ROBO1: variants seen among roughly 807,000 people sequenced by gnomAD.
ROBO1 encodes roundabout homolog 1.
ROBO1 carries 149 observed loss-of-function variants against 195.9 expected under a neutral mutation model. The observed-to-expected ratio is 0.76, with a 90% CI of 0.67 to 0.87. The LOEUF (loss-of-function observed/expected upper bound fraction) is 0.87, where lower values mean the gene tolerates loss of function less well. ROBO1 is among the 40% of genes least tolerant of loss of function. The pLI, the probability that ROBO1 is intolerant of heterozygous loss-of-function variation, is 0.00. For missense variants in ROBO1, 1,933 were observed against 2,068.3 expected (o/e 0.93, Z 1.27); for synonymous variants, 816 against 733.2 (o/e 1.11, Z -1.82).
intron 4 of ROBO1, among the ~76,000 whole-genome samples, chr3:78,772,769 A>G (rs407485): frequency 1.2e-4 from 19 of 152,194 alleles, no homozygotes; most frequent in African/African-American, 4.6e-4. Context: ...GAAGGTTTGT[A>G]TTAAGAATTG....
intron 16 of ROBO1, chr3:78,660,043 CCT>C (rs1288855467): frequency 7.2e-6 from 2 of 275,930 alleles, no homozygotes; most frequent in East Asian, 1.4e-4. Context: ...GCCTCAGCCC[CCT>C]GAGTAGCTGG....
chr3:79,207,210 T>C (rs186717638), intron 2 of ROBO1, among the ~76,000 whole-genome samples: 5 of 152,306 alleles, frequency 3.3e-5, no homozygotes, highest in Non-Finnish European at 5.9e-5. Flanking sequence ...GTTGATTTAA[T>C]TGGAATAAAT....
At chr3:79,495,986 G>A (rs989868237) in intron 2 of ROBO1, among the ~76,000 whole-genome samples, 1 of 152,092 alleles carries the variant, frequency 6.6e-6, no homozygotes, top group Non-Finnish European at 1.5e-5. Context: ...GCCAAGGCGG[G>A]TGGATCACCT....
chr3:79,648,096 A>T (rs191153113), intron 1 of ROBO1, among the ~76,000 whole-genome samples: 1 of 152,198 alleles, frequency 6.6e-6, no homozygotes, highest in East Asian at 1.9e-4. Context: ...AGCTTACAGT[A>T]TAGGGAGTTA....
chr3:78,798,845 T>C (rs1383965016), intron 4 of ROBO1, among the ~76,000 whole-genome samples: 1 of 152,160 alleles, frequency 6.6e-6, no homozygotes, highest in African/African-American at 2.4e-5. Flanking sequence ...TTCATGGGAA[T>C]TTATTTAGTA....
intron 2 of ROBO1, among the ~76,000 whole-genome samples, chr3:79,516,280 C>G (rs1232501031): frequency 1.3e-5 from 2 of 152,132 alleles, no homozygotes; most frequent in African/African-American, 4.8e-5. Context: ...ACTCCTTCCA[C>G]TAGATCAAAT....
At chr3:78,712,376 C>A (rs892989887) in intron 8 of ROBO1, among the ~76,000 whole-genome samples, 3 of 152,088 alleles carry the variant, frequency 2.0e-5, no homozygotes, top group Non-Finnish European at 2.9e-5. Flanking sequence ...CAAATGGCTT[C>A]AATTCTGATT....
chr3:78,875,160 G>A (rs1172341896), intron 4 of ROBO1, among the ~76,000 whole-genome samples: 1 of 151,936 alleles, frequency 6.6e-6, no homozygotes, highest in Non-Finnish European at 1.5e-5. Context: ...AAAATCAGAT[G>A]AGTCTTCAGT....
intron 4 of ROBO1, among the ~76,000 whole-genome samples, chr3:78,882,897 C>A (rs2036269960): frequency 6.7e-6 from 1 of 150,326 alleles, no homozygotes; most frequent in Non-Finnish European, 1.5e-5. Context: ...ACTGCAATCT[C>A]CGCCTCCCAG....
chr3:79,373,700 T>G (rs1248177305), intron 2 of ROBO1, among the ~76,000 whole-genome samples: 2 of 152,234 alleles, frequency 1.3e-5, no homozygotes. Context: ...TGAAGTGAAT[T>G]TATTGTGTGC....
intron 30 of ROBO1, 35 bp downstream of exon 30, chr3:78,600,078 T>TAACA: frequency 6.5e-7 from 1 of 1,544,600 alleles, no homozygotes; most frequent in Non-Finnish European, 8.9e-7. Context: ...AACCACAGTC[T>TAACA]AACATTGGTA....
At chr3:79,216,233 G>T (rs917918470) in intron 2 of ROBO1, among the ~76,000 whole-genome samples, 1 of 151,990 alleles carries the variant, frequency 6.6e-6, no homozygotes, top group Non-Finnish European at 1.5e-5. Context: ...TATTTAGAAA[G>T]CTAATTATCA....
rs1000594981 is a variant in ROBO1, at chr3:79,239,816, A to G, written c.89-114277T>C. Reference sequence around the variant, plus strand: ...CTTAGTATAAAGCTTTATATAGAGTATATATCTAATGTATATGTAATTAAA... The same window carrying G: ...CTTAGTATAAAGCTTTATATAGAGTGTATATCTAATGTATATGTAATTAAA... On this transcript the variant is annotated intron_variant, in intron 2 of 30. Coordinates refer to ENST00000464233, the MANE Select transcript of ROBO1 (RefSeq NM_002941.4). Among the ~76,000 whole-genome samples the G allele has an allele frequency of 9.8e-5, 15 of 152,328 alleles. No individual in the cohort carries two copies. In the South Asian group the frequency reaches 2.7e-3, roughly 27 times the overall value.
intron 2 of ROBO1, among the ~76,000 whole-genome samples, chr3:79,147,797 T>C (rs1207884841): frequency 1.3e-5 from 2 of 152,004 alleles, no homozygotes; most frequent in Non-Finnish European, 2.9e-5. Context: ...TTGTTATTGA[T>C]GCACTTAAAT....
chr3:78,802,238 T>C (rs1277855737), intron 4 of ROBO1, among the ~76,000 whole-genome samples: 1 of 152,164 alleles, frequency 6.6e-6, no homozygotes, highest in African/African-American at 2.4e-5. Context: ...TACAAAAGCA[T>C]GCTTTCTATA....
At chr3:79,465,935 C>T (rs2107289869) in intron 2 of ROBO1, among the ~76,000 whole-genome samples, 1 of 151,828 alleles carries the variant, frequency 6.6e-6, no homozygotes, top group Non-Finnish European at 1.5e-5. Context: ...CTTTAGAATG[C>T]TCTTTCATTT....
Position 78,807,918 on chromosome 3 carries a change from T to TTTCTCAAAC in ROBO1, c.500-61019_500-61018insGTTTGAGAA, listed in dbSNP as rs1553735677. 3.3e-4 allele frequency among the ~76,000 whole-genome samples: 45 copies of TTTCTCAAAC among 136,904 alleles called. 1 individual carries two copies. The South Asian group carries it at 9.1e-3, about 28-fold the overall frequency. The allele number at this position is 136,904 out of a possible 152,430, so 89.8% of individuals were successfully genotyped here. On this transcript the variant is annotated intron_variant, in intron 4 of 30. Coordinates refer to ENST00000464233, the MANE Select transcript of ROBO1 (RefSeq NM_002941.4). ...ATTAGCATTAATATTGAACAAACATTTGCTAAACACATCAACAAGATTTGT... is the reference window on the plus strand; with the variant it reads ...ATTAGCATTAATATTGAACAAACATTTTCTCAAACTGCTAAACACATCAACAAGATTTGT...
At chr3:78,748,257 C>A (rs753108503) in intron 4 of ROBO1, among the ~76,000 whole-genome samples, 1 of 152,032 alleles carries the variant, frequency 6.6e-6, no homozygotes, top group Non-Finnish European at 1.5e-5. Flanking sequence ...ACCAGCCTGA[C>A]CAACATGGAG....
At chr3:79,041,076 C>T (rs1011511511) in intron 3 of ROBO1, among the ~76,000 whole-genome samples, 1 of 152,076 alleles carries the variant, frequency 6.6e-6, no homozygotes, top group Non-Finnish European at 1.5e-5. Context: ...TGGCTTCTCT[C>T]GCAATTTTTC....
Sources: gnomAD v4.1 joint callset for allele counts (sites outside exome capture counted in the v4.1 genomes callset) on GRCh38, gnomAD v4.1.1 for gene constraint, MANE v1.5 for transcripts, NCBI Gene and HGNC (gene_info 2026-07-23, HGNC 2026-07-21) for gene names.